The following XKR4 variants were observed in gnomAD, a reference collection of about 807,000 sequenced individuals.
The protein encoded by XKR4 is XK-related protein 4.
Under a neutral mutation model 53.9 loss-of-function variants are expected in XKR4, and 12 were observed. The observed-to-expected ratio is 0.22, with a 90% CI of 0.14 to 0.36. The LOEUF is 0.36. XKR4 is among the 10% of genes least tolerant of loss of function. The probability of loss-of-function intolerance (pLI) is 1.00; values close to 1 mark genes in which losing one functional copy is unlikely to be tolerated. For missense variants in XKR4, 799 were observed against 859.5 expected, an observed-to-expected ratio of 0.93 and a Z score of 0.88; for synonymous variants, 354 against 362.4, an observed-to-expected ratio of 0.98 and a Z score of 0.26.
At chr8:55,171,499 T>A (rs1563474290) in intron 1 of XKR4, among the ~76,000 whole-genome samples, 1 of 152,206 alleles carries the variant, frequency 6.6e-6, no homozygotes, top group African/African-American at 2.4e-5. Flanking sequence ...TTTTACCTGG[T>A]GACCAGCTTA....
intron 2 of XKR4, among the ~76,000 whole-genome samples, chr8:55,490,294 C>A (rs186223019): frequency 6.6e-6 from 1 of 152,248 alleles, no homozygotes; most frequent in African/African-American, 2.4e-5. Context: ...GACATGGATG[C>A]AGCTGAAGGT....
At chr8:55,523,141 C>CAAAA (rs35183687) in intron 2 of XKR4, 140 bp from the exon 3 acceptor site, 571 of 587,856 alleles carry the variant, frequency 9.7e-4, no homozygotes, top group Non-Finnish European at 1.2e-3. Context: ...GACTCTGTCT[C>CAAAA]AAAAAAAAAA....
At chr8:55,513,026 C>T (rs1224978279) in intron 2 of XKR4, among the ~76,000 whole-genome samples, 4 of 152,188 alleles carry the variant, frequency 2.6e-5, no homozygotes, top group Non-Finnish European at 5.9e-5. Context: ...CCTACCCCAA[C>T]ACCTACTGCC....
rs116915409 is a variant in XKR4 at position 55,477,207 on chromosome 8, G to A, written c.1007-46074G>A. On this transcript the variant is annotated intron_variant, in intron 2 of 2. Transcript: ENST00000327381. ...TCTGAGACAAAACTTCCAGAGGAACGAGGCAGCAGCATTTGCAGTTCACCA... is the reference window on the plus strand; with the variant it reads ...TCTGAGACAAAACTTCCAGAGGAACAAGGCAGCAGCATTTGCAGTTCACCA... Among the ~76,000 whole-genome samples, 1,417 of 152,224 alleles carry A rather than the reference G, an allele frequency of 9.3e-3. 9 individuals carry two copies. Among genetic ancestry groups the A allele is most frequent in the South Asian group, 0.015 (73 of 4,822 alleles).
intron 1 of XKR4, among the ~76,000 whole-genome samples, chr8:55,186,256 C>T (rs1378961931): frequency 6.6e-6 from 1 of 152,176 alleles, no homozygotes; most frequent in Non-Finnish European, 1.5e-5. Context: ...GTCTTCTCTT[C>T]TGATTCTTGC....
intron 2 of XKR4, among the ~76,000 whole-genome samples, chr8:55,463,994 A>G (rs1338481095): frequency 6.6e-6 from 1 of 152,178 alleles, no homozygotes; most frequent in Non-Finnish European, 1.5e-5. Context: ...ATAGCTTACC[A>G]ACCAAAAAAA....
At chr8:55,314,498 T>C (rs1006167198) in intron 1 of XKR4, among the ~76,000 whole-genome samples, 1 of 152,126 alleles carries the variant, frequency 6.6e-6, no homozygotes, top group Non-Finnish European at 1.5e-5. Flanking sequence ...GAAACCGCCG[T>C]GCTGAGACAA....
intron 2 of XKR4, among the ~76,000 whole-genome samples, chr8:55,358,487 T>C (rs1485236460): frequency 1.3e-5 from 2 of 152,234 alleles, no homozygotes; most frequent in African/African-American, 4.8e-5. Context: ...ATTAATATCT[T>C]TGTGCTTTCT....
chr8:55,256,061 G>T (rs1193517475), intron 1 of XKR4, among the ~76,000 whole-genome samples: 1 of 151,792 alleles, frequency 6.6e-6, no homozygotes, highest in Non-Finnish European at 1.5e-5. Context: ...TATCTAGGCA[G>T]AGTTAAAAGG....
At chr8:55,329,950 C>G (rs1021001322) in intron 1 of XKR4, among the ~76,000 whole-genome samples, 1 of 152,088 alleles carries the variant, frequency 6.6e-6, no homozygotes, top group South Asian at 2.1e-4. Context: ...AAGCTTCAGG[C>G]TCCATATGGA....
chr8:55,154,229 T>C (rs555609866), intron 1 of XKR4, among the ~76,000 whole-genome samples: 1 of 152,342 alleles, frequency 6.6e-6, no homozygotes, highest in South Asian at 2.1e-4. Context: ...GGGATGCTTT[T>C]ATTGTAATCC....
chr8:55,377,728 C>T (rs1804171517), intron 2 of XKR4, among the ~76,000 whole-genome samples: 1 of 152,154 alleles, frequency 6.6e-6, no homozygotes, highest in Non-Finnish European at 1.5e-5. Context: ...GTGAGGCCAC[C>T]TTGATGTTCC....
intron 1 of XKR4, among the ~76,000 whole-genome samples, chr8:55,115,030 G>A (rs112994367): frequency 4.3e-4 from 65 of 152,278 alleles, no homozygotes; most frequent in African/African-American, 1.5e-3. Context: ...TACTGAAGGT[G>A]GAATCTGCAA....
Position 55,463,053 on chromosome 8 carries a change from T to A in XKR4, c.1007-60228T>A, listed in dbSNP as rs143895484. Among the ~76,000 whole-genome samples the A allele has an allele frequency of 5.9e-3, 901 of 152,204 alleles. 9 individuals carry two copies. The highest frequency in any genetic ancestry group is 0.02 in the African/African-American group (840 of 41,530). ...AGACTTTAACACCCCACTGTCAACA[T>A]TAGACAGATCAACGAGACAGAAAGT... On this transcript the variant is annotated intron_variant, in intron 2 of 2. Coordinates refer to ENST00000327381, the MANE Select transcript of XKR4 (RefSeq NM_052898.2).
chr8:55,450,494 C>T (rs893914713), intron 2 of XKR4: 2 of 630,926 alleles, frequency 3.2e-6, no homozygotes, highest in Non-Finnish European at 6.0e-6. Context: ...GTACAGCAGC[C>T]CCAGCTCAAT....
intron 1 of XKR4, among the ~76,000 whole-genome samples, chr8:55,290,968 A>T (rs891980836): frequency 2.0e-5 from 3 of 152,048 alleles, no homozygotes; most frequent in Admixed American, 6.5e-5. Flanking sequence ...GATCTCAAAG[A>T]TTTTCTCCCA....
At chr8:55,373,663 T>C (rs903559455) in intron 2 of XKR4, among the ~76,000 whole-genome samples, 3 of 152,216 alleles carry the variant, frequency 2.0e-5, no homozygotes, top group Non-Finnish European at 4.4e-5. Context: ...ATCTAAAATA[T>C]ATCCTCTATG....
chr8:55,328,507 A>G (rs1803328260), intron 1 of XKR4, among the ~76,000 whole-genome samples: 1 of 152,172 alleles, frequency 6.6e-6, no homozygotes, highest in South Asian at 2.1e-4. Context: ...GAAGGCCTTC[A>G]GCCCATCTAA....
intron 1 of XKR4, among the ~76,000 whole-genome samples, chr8:55,246,978 T>C (rs1818293607): frequency 6.6e-6 from 1 of 152,108 alleles, no homozygotes; most frequent in African/African-American, 2.4e-5. Context: ...ATAAGATGTC[T>C]TAGTGTCTGG....
Sources: allele counts gnomAD v4.1 joint callset (sites outside exome capture counted in the v4.1 genomes callset), GRCh38; gene constraint gnomAD v4.1.1; transcripts MANE v1.5; gene names NCBI Gene and HGNC (gene_info 2026-07-23, HGNC 2026-07-21).